Variants in ITGB1 observed in about 807,000 individuals in gnomAD.
The protein encoded by ITGB1 is integrin subunit beta 1.
A neutral mutation model predicts 86.5 loss-of-function variants in ITGB1; 24 were observed. The observed-to-expected ratio is 0.28, with a 90% CI of 0.20 to 0.39. ITGB1 has a LOEUF of 0.39. Ranked by LOEUF, ITGB1 falls within the 10% of genes least tolerant of loss-of-function variation. ITGB1 has a pLI of 1.00. For synonymous variants in ITGB1, 323 were observed against 316.8 expected, an observed-to-expected ratio of 1.02 and a Z score of -0.21; for missense variants, 556 against 946.9, an observed-to-expected ratio of 0.59 and a Z score of 5.42.
chr10:32,913,927 T>C (rs2094922678), intron 11 of ITGB1, among the ~76,000 whole-genome samples: 1 of 152,128 alleles, frequency 6.6e-6, no homozygotes, highest in Non-Finnish European at 1.5e-5. Context: ...AAAGGTTGGG[T>C]TACCCACAAA....
chr10:32,912,803 G>A (rs1469246012), intron 11 of ITGB1, among the ~76,000 whole-genome samples: 5 of 152,232 alleles, frequency 3.3e-5, no homozygotes, highest in Non-Finnish European at 7.3e-5. Flanking sequence ...TGACAGCTTT[G>A]AAGAGAGTAG....
At chr10:32,936,403 G>A (rs2095001886) in intron 1 of ITGB1, among the ~76,000 whole-genome samples, 1 of 151,830 alleles carries the variant, frequency 6.6e-6, no homozygotes. Flanking sequence ...CTCCAGCCTG[G>A]GCAACAGAGC....
intron 1 of ITGB1, among the ~76,000 whole-genome samples, chr10:32,955,892 T>C (rs796203560): frequency 8.5e-5 from 13 of 152,356 alleles, no homozygotes; most frequent in African/African-American, 2.6e-4. Context: ...AACTTTAATA[T>C]AGAACTTTAC....
At chr10:32,957,296 G>C (rs2095054316) in intron 1 of ITGB1, among the ~76,000 whole-genome samples, 1 of 152,210 alleles carries the variant, frequency 6.6e-6, no homozygotes, top group African/African-American at 2.4e-5. Flanking sequence ...AAGTTACTTA[G>C]AGAGTAGGAG....
At chr10:32,908,302 A>C in intron 15 of ITGB1, 66 bp downstream of exon 15, 1 of 1,396,536 alleles carries the variant, frequency 7.2e-7, no homozygotes, top group Admixed American at 1.7e-5. Flanking sequence ...CAGCTAATAC[A>C]TAAGTCTTAG....
chr10:32,908,951 G>A (rs1054438884), intron 14 of ITGB1, among the ~76,000 whole-genome samples: 3 of 152,140 alleles, frequency 2.0e-5, no homozygotes, highest in South Asian at 4.2e-4. Context: ...CCGTTAAGAC[G>A]TCAATTCTTC....
intron 1 of ITGB1, among the ~76,000 whole-genome samples, chr10:32,941,229 T>C (rs1267300860): frequency 2.6e-5 from 4 of 152,202 alleles, no homozygotes; most frequent in African/African-American, 9.7e-5. Flanking sequence ...TAATCTTATT[T>C]CTAAGCATAT....
intron 15 of ITGB1, among the ~76,000 whole-genome samples, chr10:32,904,226 G>A (rs2094890177): frequency 6.6e-6 from 1 of 152,056 alleles, no homozygotes; most frequent in African/African-American, 2.4e-5. Flanking sequence ...TTTAAATGAA[G>A]GTAAACTAAA....
chr10:32,944,830 C>A, intron 1 of ITGB1: 1 of 1,015,184 alleles, frequency 9.9e-7, no homozygotes, highest in Non-Finnish European at 1.5e-6. Flanking sequence ...AAACTGTGGG[C>A]ACTGATGATC....
intron 1 of ITGB1, among the ~76,000 whole-genome samples, chr10:32,941,575 A>G (rs1279124405): frequency 6.6e-6 from 1 of 152,224 alleles, no homozygotes; most frequent in African/African-American, 2.4e-5. Context: ...TTCTATAAAT[A>G]GGAAGGGAAC....
chr10:32,922,569 A>G, intron 8 of ITGB1, 71 bp downstream of exon 8: 2 of 995,768 alleles, frequency 2.0e-6, no homozygotes. Flanking sequence ...CCCACATTTC[A>G]ATTCAGACAT....
chr10:32,953,656 T>C (rs2095046955), intron 1 of ITGB1: 1 of 152,174 alleles, frequency 6.6e-6, no homozygotes, highest in African/African-American at 2.4e-5. Flanking sequence ...CAGGCTGCTT[T>C]ATAGGGTAGA....
chr10:32,938,476 T>C (rs1241272636), intron 1 of ITGB1, among the ~76,000 whole-genome samples: 2 of 152,228 alleles, frequency 1.3e-5, no homozygotes, highest in Non-Finnish European at 2.9e-5. Context: ...TAAGATGAAG[T>C]TATTAGGTAA....
intron 15 of ITGB1, among the ~76,000 whole-genome samples, chr10:32,901,883 C>T (rs973864263): frequency 3.3e-5 from 5 of 152,168 alleles, no homozygotes; most frequent in African/African-American, 1.2e-4. Flanking sequence ...GTCCTTCCTC[C>T]ACTGGAGGCT....
rs374297803 is a variant in ITGB1, at chr10:32,929,959, A to G, written c.239T>C (p.Ile80Thr). 6.4e-6 allele frequency: 9 copies of G among 1,405,084 alleles called. No individual in the cohort carries two copies. Among genetic ancestry groups the G allele is most frequent in the African/African-American group, 1.4e-5 (1 of 70,932 alleles). 87.0% of individuals were successfully genotyped at this position (1,405,084 alleles called of 1,614,324 possible). The change falls in exon 4 of 16, where the codon ATA becomes ACA. Residue 80 changes from isoleucine to threonine, a missense_variant. Ile to Thr is a moderately conservative substitution (Grantham distance 89). Around this residue, in one of 4 missense-constraint regions of ITGB1, gnomAD observed 183 missense variants for 263.9 expected, o/e 0.69. Coordinates refer to ENST00000302278, the MANE Select transcript of ITGB1 (RefSeq NM_002211.4). ...LKKKGCPPDD[I>T]ENPRGSKDIK... ...ATCTTTGGAGCCTCTGGGATTTTCT[A>G]TGTCATCTGGAGGGCAACCCTTCTT... is the stretch of plus-strand genomic sequence containing the variant.
At chr10:32,943,385 G>A (rs1451268032) in intron 1 of ITGB1, among the ~76,000 whole-genome samples, 1 of 147,948 alleles carries the variant, frequency 6.8e-6, no homozygotes, top group Non-Finnish European at 1.5e-5. Flanking sequence ...TTGTAGAAAT[G>A]CCCAAATCTC....
chr10:32,906,579 G>A (rs557838857), intron 15 of ITGB1: 3 of 172,914 alleles, frequency 1.7e-5, no homozygotes, highest in Admixed American at 6.4e-5. Flanking sequence ...GACAGAGAGA[G>A]ACTGTCTCAA....
In ITGB1 at chr10:32,906,978, A is replaced by C. The variant is rs1593851911; in HGVS notation, c.2331+1390T>G. 5.0e-6 allele frequency: 3 copies of C among 598,890 alleles called. No individual in the cohort carries two copies. In the East Asian group the frequency reaches 1.8e-4, roughly 36 times the overall value. The allele number at this position is 598,890 out of a possible 1,614,324, so 37.1% of individuals were successfully genotyped here. On this transcript the variant is annotated intron_variant, in intron 15 of 15. Coordinates refer to ENST00000302278, the MANE Select transcript of ITGB1 (RefSeq NM_002211.4). ...ATTTAAAGCCAGACTTAAAAAAAGA[A>C]CAGCAATAGTGATAAAGGACACACA...
At chr10:32,946,336 T>C (rs1172969441) in intron 1 of ITGB1, among the ~76,000 whole-genome samples, 1 of 152,180 alleles carries the variant, frequency 6.6e-6, no homozygotes, top group African/African-American at 2.4e-5. Flanking sequence ...ATAAAAAGAA[T>C]TCACAGGATA....
Sources: allele counts gnomAD v4.1 joint callset (sites outside exome capture counted in the v4.1 genomes callset), GRCh38; gene constraint gnomAD v4.1.1; regional missense constraint gnomAD v4.1.1; transcripts MANE v1.5; gene names NCBI Gene and HGNC (gene_info 2026-07-23, HGNC 2026-07-21).